The following KDM4C variants were observed in gnomAD, a reference collection of about 807,000 sequenced individuals.
The protein encoded by KDM4C is lysine demethylase 4C.
A neutral mutation model predicts 129.3 loss-of-function variants in KDM4C; 81 were observed. The observed-to-expected ratio is 0.63, with a 90% CI of 0.52 to 0.75. KDM4C has a LOEUF of 0.75. Among genes scored for constraint, KDM4C ranks in the 30% least tolerant of loss-of-function variants. KDM4C has a pLI of 0.00. For missense variants in KDM4C, 1,457 were observed against 1,304.0 expected, an observed-to-expected ratio of 1.12 and a Z score of -1.81; for synonymous variants, 573 against 456.1, an observed-to-expected ratio of 1.26 and a Z score of -3.26.
At chr9:7,110,854 G>A (rs1838243229) in intron 18 of KDM4C, among the ~76,000 whole-genome samples, 4 of 152,144 alleles carry the variant, frequency 2.6e-5, no homozygotes, top group Admixed American at 2.0e-4. Flanking sequence ...GAGAGAAACT[G>A]ATAACTAATA....
chr9:6,872,372 A>G (rs1372461019), intron 5 of KDM4C, among the ~76,000 whole-genome samples: 1 of 152,144 alleles, frequency 6.6e-6, no homozygotes, highest in Non-Finnish European at 1.5e-5. Context: ...AGTTCTGTAA[A>G]TGTCTATTAG....
intron 2 of KDM4C, among the ~76,000 whole-genome samples, chr9:6,795,716 A>C (rs780535303): frequency 6.6e-6 from 1 of 151,358 alleles, no homozygotes; most frequent in Non-Finnish European, 1.5e-5. Flanking sequence ...TTGTCACCCA[A>C]GCTGGAGTGC....
At chr9:7,148,088 A>T (rs541472586) in intron 19 of KDM4C, among the ~76,000 whole-genome samples, 1 of 152,340 alleles carries the variant, frequency 6.6e-6, no homozygotes, top group South Asian at 2.1e-4. Flanking sequence ...GGGCAGCTCC[A>T]GGTGCCGGCT....
At chr9:6,817,196 C>CT (rs1564081320) in intron 4 of KDM4C, among the ~76,000 whole-genome samples, 802 of 20,046 alleles carry the variant, frequency 0.04, 12 homozygotes, top group Non-Finnish European at 0.079. Flanking sequence ...CCTCCCCCTG[C>CT]CCCCCCCCCC....
intron 19 of KDM4C, among the ~76,000 whole-genome samples, chr9:7,129,978 C>T (rs1341640877): frequency 6.6e-6 from 1 of 152,218 alleles, no homozygotes; most frequent in East Asian, 1.9e-4. Flanking sequence ...GTCTCTAGAA[C>T]TTCCACTCTT....
intron 2 of KDM4C, among the ~76,000 whole-genome samples, chr9:6,793,872 T>C (rs1449640060): frequency 1.3e-5 from 2 of 152,192 alleles, no homozygotes; most frequent in African/African-American, 4.8e-5. Context: ...CTTATTGATA[T>C]ATTTTATCAT....
In KDM4C at chr9:7,077,336, C is replaced by A. The variant is rs531866291; in HGVS notation, c.2425-26349C>A. ...GACATATAGTTGTCATCCTATGCCC[C>A]TCCCCTCAACTACGGCTGAAAAAAA... On this transcript the variant is annotated intron_variant, in intron 17 of 21. Coordinates refer to ENST00000381309, the MANE Select transcript of KDM4C (RefSeq NM_015061.6). 79 of 507,516 alleles carry A rather than the reference C, an allele frequency of 1.6e-4. No homozygotes were observed. The African/African-American group carries it at 1.6e-3, about 10-fold the overall frequency. 31.4% of individuals were successfully genotyped at this position (507,516 alleles called of 1,614,324 possible). A position where few individuals can be genotyped will look rare whatever the true frequency, so the allele number is the denominator to read the frequency against.
At chr9:6,836,375 AAAAT>A (rs1254583172) in intron 4 of KDM4C, among the ~76,000 whole-genome samples, 11 of 152,238 alleles carry the variant, frequency 7.2e-5, no homozygotes, top group East Asian at 3.8e-4. Context: ...CTGTCTCAAA[AAAAT>A]AAATAAATAA....
At chr9:6,817,793 G>A (rs1249563307) in intron 4 of KDM4C, among the ~76,000 whole-genome samples, 2 of 124,524 alleles carry the variant, frequency 1.6e-5, no homozygotes, top group Non-Finnish European at 3.2e-5. Flanking sequence ...TTGAGACAGA[G>A]TCTCACTCTG....
intron 11 of KDM4C, among the ~76,000 whole-genome samples, chr9:6,988,186 G>GA (rs1818077926): frequency 8.7e-6 from 1 of 114,710 alleles, no homozygotes; most frequent in Admixed American, 8.8e-5. Flanking sequence ...AAAAAAAAAG[G>GA]AAAAAAAATT....
At chr9:7,034,019 T>G (rs1283510914) in intron 15 of KDM4C, among the ~76,000 whole-genome samples, 1 of 152,106 alleles carries the variant, frequency 6.6e-6, no homozygotes, top group Non-Finnish European at 1.5e-5. Context: ...TTTTTTTTTT[T>G]TTGGTGGTGG....
intron 15 of KDM4C, among the ~76,000 whole-genome samples, chr9:7,028,829 C>G (rs903607597): frequency 6.6e-6 from 1 of 152,176 alleles, no homozygotes. Context: ...GGTTTGCTTT[C>G]TCTTGTAACT....
chr9:6,939,084 G>A (rs1437690687), intron 8 of KDM4C, among the ~76,000 whole-genome samples: 1 of 151,526 alleles, frequency 6.6e-6, no homozygotes, highest in Non-Finnish European at 1.5e-5. Flanking sequence ...TTCCTAACAG[G>A]CCACAGACTG....
At position 6,920,552 on chromosome 9, in the gene KDM4C, GA is replaced by G. The variant is rs1554644424; in HGVS notation, c.921+27330del. Among the ~76,000 whole-genome samples, 46 of 87,664 alleles carry G rather than the reference GA, an allele frequency of 5.2e-4. No homozygotes were observed. In the East Asian group the frequency reaches 5.6e-3, roughly 11 times the overall value. The allele number at this position is 87,664 out of a possible 152,430, so 57.5% of individuals were successfully genotyped here. A position where few individuals can be genotyped will look rare whatever the true frequency, so the allele number is the denominator to read the frequency against. On this transcript the variant is annotated intron_variant, in intron 8 of 21. Transcript: ENST00000381309. ...CACTCCAGCCTCAGCAACAGAACAAGAAAAAAAAAATTAATTAATCAATATA... is the reference window on the plus strand; with the variant it reads ...CACTCCAGCCTCAGCAACAGAACAAGAAAAAAAAATTAATTAATCAATATA...
At chr9:6,826,177 GT>G (rs763833835) in intron 4 of KDM4C, among the ~76,000 whole-genome samples, 96 of 143,820 alleles carry the variant, frequency 6.7e-4, no homozygotes, top group Admixed American at 6.3e-4. Flanking sequence ...CTGGGGAAAA[GT>G]TTTTTTTTTT....
intron 8 of KDM4C, among the ~76,000 whole-genome samples, chr9:6,927,595 A>G (rs1241810357): frequency 2.6e-5 from 4 of 152,190 alleles, no homozygotes; most frequent in African/African-American, 9.7e-5. Context: ...TCCTTTGAGG[A>G]GATCATCCCT....
intron 1 of KDM4C, among the ~76,000 whole-genome samples, chr9:6,775,224 C>G (rs1023155849): frequency 2.6e-5 from 4 of 151,960 alleles, no homozygotes; most frequent in African/African-American, 9.7e-5. Flanking sequence ...ACCATGTTGG[C>G]CAGGCTGGTC....
rs545508061 is a variant in KDM4C at position 7,103,441 on chromosome 9, A to T, written c.2425-244A>T. Among the ~76,000 whole-genome samples, 59 of 152,310 alleles carry T rather than the reference A, an allele frequency of 3.9e-4. No individual in the cohort carries two copies. In the South Asian group the frequency reaches 0.01, roughly 27 times the overall value. On this transcript the variant is annotated intron_variant, in intron 17 of 21. Coordinates refer to ENST00000381309, the MANE Select transcript of KDM4C (RefSeq NM_015061.6). ...GCGAAAGTGTTTGGCTTTCCTTGCT[A>T]CAAGAAATAGTTAAACATATGTCTG...
chr9:7,121,101 A>G (rs548980617), intron 18 of KDM4C, among the ~76,000 whole-genome samples: 49 of 152,346 alleles, frequency 3.2e-4, no homozygotes, highest in Admixed American at 1.1e-3. Context: ...CTAGGCATAC[A>G]TATCTGTGTG....
Sources: gnomAD v4.1 joint callset for allele counts (sites outside exome capture counted in the v4.1 genomes callset) on GRCh38, gnomAD v4.1.1 for gene constraint, MANE v1.5 for transcripts, NCBI Gene and HGNC (gene_info 2026-07-23, HGNC 2026-07-21) for gene names.